The following AGBL1 variants were observed in gnomAD, a reference collection of about 807,000 sequenced individuals.
AGBL1 encodes cytosolic carboxypeptidase 4.
Under a neutral mutation model 118.9 loss-of-function variants are expected in AGBL1, and 130 were observed. That is an observed-to-expected ratio of 1.09 (90% CI 0.95 to 1.26). AGBL1 has a LOEUF of 1.26. Among genes scored for constraint, AGBL1 ranks in the 50% most tolerant of loss-of-function variants. The probability of loss-of-function intolerance (pLI) is 0.00; values close to 1 mark genes in which losing one functional copy is unlikely to be tolerated. For synonymous variants in AGBL1, 555 were observed against 478.9 expected (o/e 1.16, Z -2.08); for missense variants, 1,584 against 1,298.1 (o/e 1.22, Z -3.38).
intron 5 of AGBL1, among the ~76,000 whole-genome samples, chr15:86,189,249 T>A (rs147955418): frequency 1.2e-4 from 18 of 152,218 alleles, no homozygotes; most frequent in Non-Finnish European, 2.4e-4. Flanking sequence ...GGAGAACTTA[T>A]GCACACATTT....
chr15:86,330,123 G>A (rs1708667228), intron 17 of AGBL1, among the ~76,000 whole-genome samples: 1 of 152,198 alleles, frequency 6.6e-6, no homozygotes, highest in African/African-American at 2.4e-5. Context: ...TGCCCACTGT[G>A]GCTGCTGCCT....
intron 21 of AGBL1, among the ~76,000 whole-genome samples, chr15:86,664,382 T>C (rs947774326): frequency 5.3e-5 from 8 of 152,214 alleles, no homozygotes; most frequent in African/African-American, 7.2e-5. Flanking sequence ...CTGCATGGTC[T>C]GATTGACTCA....
intron 3 of AGBL1, among the ~76,000 whole-genome samples, chr15:86,144,893 T>A (rs911079335): frequency 1.9e-4 from 29 of 152,190 alleles, no homozygotes; most frequent in African/African-American, 6.8e-4. Flanking sequence ...ACAAACTGTT[T>A]AGCTTAACGT....
At chr15:86,227,642 A>C (rs572362430) in intron 6 of AGBL1, among the ~76,000 whole-genome samples, 63 of 152,380 alleles carry the variant, frequency 4.1e-4, no homozygotes, top group South Asian at 4.1e-4. Context: ...TTGGGTACAC[A>C]CATGAGCTGA....
chr15:86,546,248 T>C, intron 20 of AGBL1, 115 bp downstream of exon 20: 1 of 1,178,452 alleles, frequency 8.5e-7, no homozygotes, highest in Non-Finnish European at 1.1e-6. Context: ...TAAATAAGCA[T>C]TTTAATTATT....
chr15:86,469,671 C>T (rs2082453885), intron 18 of AGBL1, among the ~76,000 whole-genome samples: 1 of 152,088 alleles, frequency 6.6e-6, no homozygotes, highest in East Asian at 1.9e-4. Context: ...TTCTAGGATG[C>T]CGGTACCAAT....
chr15:86,262,179 T>C (rs2079001856), intron 9 of AGBL1, among the ~76,000 whole-genome samples: 1 of 145,424 alleles, frequency 6.9e-6, no homozygotes, highest in African/African-American at 2.5e-5. Flanking sequence ...TTCCCCAGTC[T>C]TAGTAACATC....
At chr15:86,494,307 T>C (rs2082820007) in intron 18 of AGBL1, among the ~76,000 whole-genome samples, 1 of 152,120 alleles carries the variant, frequency 6.6e-6, no homozygotes, top group Non-Finnish European at 1.5e-5. Flanking sequence ...CTGTGGCACA[T>C]TAAAATTACC....
intron 18 of AGBL1, among the ~76,000 whole-genome samples, chr15:86,510,420 C>T (rs2142176933): frequency 6.6e-6 from 1 of 152,030 alleles, no homozygotes; most frequent in South Asian, 2.1e-4. Context: ...CAAGTAAAAC[C>T]CCATGCATTC....
intron 22 of AGBL1, among the ~76,000 whole-genome samples, chr15:86,810,679 T>A (rs1405809559): frequency 6.6e-6 from 1 of 152,176 alleles, no homozygotes. Context: ...GAAGCTTGTG[T>A]GTGGCCAGTG....
intron 22 of AGBL1, among the ~76,000 whole-genome samples, chr15:86,739,470 A>ATAAG (rs1567149486): frequency 6.8e-6 from 1 of 146,456 alleles, no homozygotes; most frequent in African/African-American, 2.7e-5. Context: ...AAAAAAGTAA[A>ATAAG]AGAGAAAAAA....
chr15:86,261,084 C>G (rs117378477), intron 9 of AGBL1, among the ~76,000 whole-genome samples: 4,380 of 152,242 alleles, frequency 0.029, 77 homozygotes, highest in Middle Eastern at 0.054. Flanking sequence ...ACTTTATTGA[C>G]AAAAACAACC....
At chr15:86,239,612 C>T (rs2141972334) in intron 6 of AGBL1, among the ~76,000 whole-genome samples, 1 of 152,296 alleles carries the variant, frequency 6.6e-6, no homozygotes, top group East Asian at 1.9e-4. Context: ...ACATCTTCTC[C>T]AGGGACTCAA....
intron 17 of AGBL1, among the ~76,000 whole-genome samples, chr15:86,394,335 T>C (rs565463767): frequency 1.3e-5 from 2 of 152,154 alleles, no homozygotes; most frequent in African/African-American, 4.8e-5. Flanking sequence ...ATGCATCATC[T>C]CCCTTTTTCT....
At chr15:86,733,839 T>C (rs951225150) in intron 22 of AGBL1, among the ~76,000 whole-genome samples, 2 of 152,182 alleles carry the variant, frequency 1.3e-5, no homozygotes, top group African/African-American at 4.8e-5. Context: ...TTATGGGAAC[T>C]TCTTTGGGAA....
At chr15:86,314,722 T>C (rs918446753) in intron 17 of AGBL1, among the ~76,000 whole-genome samples, 2 of 152,124 alleles carry the variant, frequency 1.3e-5, no homozygotes, top group African/African-American at 4.8e-5. Context: ...GCTTCCCCAG[T>C]AGGAAGTCCC....
At chr15:86,457,764 C>T (rs953820538) in intron 18 of AGBL1, among the ~76,000 whole-genome samples, 1 of 152,136 alleles carries the variant, frequency 6.6e-6, no homozygotes, top group African/African-American at 2.4e-5. Context: ...GAATTATCCA[C>T]TTTGACAAAG....
intron 18 of AGBL1, among the ~76,000 whole-genome samples, chr15:86,445,026 G>T (rs559894890): frequency 6.6e-6 from 1 of 152,186 alleles, no homozygotes; most frequent in East Asian, 1.9e-4. Context: ...TGGAAACCAC[G>T]TTGTCTTTGC....
At chr15:86,091,053 A>G (rs2141463962) in intron 1 of AGBL1, among the ~76,000 whole-genome samples, 1 of 152,278 alleles carries the variant, frequency 6.6e-6, no homozygotes, top group East Asian at 1.9e-4. Context: ...TAGGAAGGCC[A>G]AAGTTGATTT....
Sources: allele counts gnomAD v4.1 joint callset (sites outside exome capture counted in the v4.1 genomes callset), GRCh38; gene constraint gnomAD v4.1.1; transcripts MANE v1.5; gene names NCBI Gene and HGNC (gene_info 2026-07-23, HGNC 2026-07-21).